The following LUZP2 variants were observed in gnomAD, a reference collection of about 807,000 sequenced individuals.
The protein encoded by LUZP2 is leucine zipper protein 2.
LUZP2 carries 52 observed loss-of-function variants against 51.6 expected under a neutral mutation model. The ratio of observed to expected loss-of-function variants is 1.01; its 90% CI spans 0.81 to 1.27. LUZP2 has a LOEUF of 1.27. LUZP2 is among the 50% of genes most tolerant of loss of function. LUZP2 has a pLI of 0.00. For synonymous variants in LUZP2, 154 were observed against 137.3 expected (o/e 1.12, Z -0.85); for missense variants, 436 against 395.4 (o/e 1.10, Z -0.87).
At chr11:24,719,264 G>A (rs1414474768) in intron 1 of LUZP2, among the ~76,000 whole-genome samples, 2 of 152,186 alleles carry the variant, frequency 1.3e-5, no homozygotes, top group African/African-American at 2.4e-5. Context: ...GTAAGATTGG[G>A]TAGAGTCAAA....
intron 9 of LUZP2, among the ~76,000 whole-genome samples, chr11:24,993,326 G>A (rs558715863): frequency 5.9e-5 from 9 of 152,072 alleles, no homozygotes; most frequent in African/African-American, 2.2e-4. Flanking sequence ...AAAAAGAGAA[G>A]GTTAAAATGT....
chr11:24,672,302 A>C lies in LUZP2; in HGVS notation c.63-56867A>C, dbSNP rs115956921. On this transcript the variant is annotated intron_variant, in intron 1 of 11. Transcript: ENST00000336930. ...TCTCCCTGAGTACAATATGGTACTA[A>C]ACATCAAAAGATACTTAAAATTGTA... Among the ~76,000 whole-genome samples the C allele has an allele frequency of 7.8e-3, 1,191 of 152,266 alleles. 11 individuals carry two copies. The highest frequency in any genetic ancestry group is 0.027 in the African/African-American group (1,111 of 41,556).
rs2716501 is a variant in LUZP2 at position 24,833,646 on chromosome 11, G to A, written c.396+70338G>A. Among the ~76,000 whole-genome samples, 848 of 152,066 alleles carry A rather than the reference G, an allele frequency of 5.6e-3. 12 individuals are homozygous for A. Among genetic ancestry groups the A allele is most frequent in the African/African-American group, 0.019 (785 of 41,476 alleles). ...AGATTAATCGAATCAGAATTTCAGT[G>A]TAGTGGAGCTCAGACACCCATAGTT... is the stretch of plus-strand genomic sequence containing the variant. On this transcript the variant is annotated intron_variant, in intron 5 of 11. Coordinates refer to ENST00000336930, the MANE Select transcript of LUZP2 (RefSeq NM_001009909.4).
intron 4 of LUZP2, among the ~76,000 whole-genome samples, chr11:24,747,472 T>A (rs542331101): frequency 1.3e-5 from 2 of 152,176 alleles, no homozygotes; most frequent in Non-Finnish European, 2.9e-5. Flanking sequence ...GAATGCACTC[T>A]GTGAGGGTTC....
chr11:24,921,566 C>T (rs1261143542), intron 7 of LUZP2, among the ~76,000 whole-genome samples: 3 of 152,052 alleles, frequency 2.0e-5, no homozygotes, highest in Non-Finnish European at 4.4e-5. Context: ...GCTTTTAAAG[C>T]CGCATTTTTG....
chr11:25,015,782 A>G (rs1857131655), intron 9 of LUZP2, among the ~76,000 whole-genome samples: 1 of 152,120 alleles, frequency 6.6e-6, no homozygotes, highest in African/African-American at 2.4e-5. Flanking sequence ...TCACAAAGTT[A>G]CTATGATTCT....
At chr11:24,703,865 C>A (rs1321525396) in intron 1 of LUZP2, among the ~76,000 whole-genome samples, 3 of 150,456 alleles carry the variant, frequency 2.0e-5, no homozygotes, top group African/African-American at 4.9e-5. Context: ...AAAAAACGAA[C>A]AAAAAAAAAC....
intron 1 of LUZP2, among the ~76,000 whole-genome samples, chr11:24,517,636 G>A (rs555791011): frequency 1.3e-5 from 2 of 151,382 alleles, no homozygotes; most frequent in South Asian, 2.1e-4. Flanking sequence ...CATCAGTCAC[G>A]TCACTGATTA....
intron 7 of LUZP2, among the ~76,000 whole-genome samples, chr11:24,966,356 G>A (rs1855582301): frequency 6.6e-6 from 1 of 150,784 alleles, no homozygotes; most frequent in Admixed American, 6.6e-5. Context: ...TTTATGACTT[G>A]GCTTTTCATT....
intron 1 of LUZP2, among the ~76,000 whole-genome samples, chr11:24,703,616 A>G (rs1590370788): frequency 6.6e-6 from 1 of 152,028 alleles, no homozygotes; most frequent in Non-Finnish European, 1.5e-5. Flanking sequence ...TGAGGTCAGG[A>G]GTTCGAGACC....
intron 1 of LUZP2, among the ~76,000 whole-genome samples, chr11:24,539,145 T>A (rs767354719): frequency 2.0e-5 from 3 of 151,882 alleles, no homozygotes; most frequent in Non-Finnish European, 4.4e-5. Flanking sequence ...CATATCTGCT[T>A]TTGTATAATT....
intron 5 of LUZP2, among the ~76,000 whole-genome samples, chr11:24,887,324 A>G (rs1852700820): frequency 6.6e-6 from 1 of 152,206 alleles, no homozygotes; most frequent in Non-Finnish European, 1.5e-5. Context: ...TCTGGAGGAC[A>G]ATCTTCTGTT....
intron 9 of LUZP2, among the ~76,000 whole-genome samples, chr11:24,999,463 G>C (rs932355040): frequency 5.3e-5 from 8 of 150,488 alleles, no homozygotes; most frequent in Admixed American, 5.3e-4. Context: ...AAGAAGAGAA[G>C]GAAAAGGAGA....
intron 1 of LUZP2, among the ~76,000 whole-genome samples, chr11:24,590,468 T>C (rs1170304397): frequency 6.6e-6 from 1 of 152,188 alleles, no homozygotes; most frequent in Non-Finnish European, 1.5e-5. Context: ...TATCCTCAAT[T>C]AGAAATGGGA....
intron 9 of LUZP2, among the ~76,000 whole-genome samples, chr11:25,024,825 C>A (rs181270964): frequency 6.8e-6 from 1 of 147,208 alleles, no homozygotes; most frequent in East Asian, 2.0e-4. Context: ...CAAAAAAGAG[C>A]CCGCATCACC....
intron 5 of LUZP2, among the ~76,000 whole-genome samples, chr11:24,881,983 A>T (rs1852484075): frequency 6.6e-6 from 1 of 151,998 alleles, no homozygotes. Flanking sequence ...CTGTTACTCA[A>T]TTCCTTATTT....
At chr11:24,655,181 G>C (rs1855763876) in intron 1 of LUZP2, among the ~76,000 whole-genome samples, 1 of 152,104 alleles carries the variant, frequency 6.6e-6, no homozygotes, top group African/African-American at 2.4e-5. Flanking sequence ...GTGTAATTAA[G>C]ACTTTGGGCT....
At chr11:24,642,410 C>T (rs1313080509) in intron 1 of LUZP2, among the ~76,000 whole-genome samples, 1 of 151,610 alleles carries the variant, frequency 6.6e-6, no homozygotes, top group Non-Finnish European at 1.5e-5. Context: ...TAGTATCATA[C>T]TTAATATCAT....
intron 7 of LUZP2, among the ~76,000 whole-genome samples, chr11:24,974,538 A>T (rs1247357099): frequency 6.6e-6 from 1 of 152,098 alleles, no homozygotes; most frequent in Non-Finnish European, 1.5e-5. Flanking sequence ...AGTTCTATGT[A>T]TTTATGACAG....
Sources: allele counts gnomAD v4.1 joint callset (sites outside exome capture counted in the v4.1 genomes callset), GRCh38; gene constraint gnomAD v4.1.1; transcripts MANE v1.5; gene names NCBI Gene and HGNC (gene_info 2026-07-23, HGNC 2026-07-21).